The following PROC variants were observed in gnomAD, a reference collection of about 807,000 sequenced individuals.
PROC encodes vitamin K-dependent protein C.
PROC carries 22 observed loss-of-function variants against 36.3 expected under a neutral mutation model. That is an observed-to-expected ratio of 0.61 (90% CI 0.43 to 0.86). PROC has a LOEUF of 0.86. PROC is among the 40% of genes least tolerant of loss of function. The probability of loss-of-function intolerance (pLI) is 0.00; values close to 1 mark genes in which losing one functional copy is unlikely to be tolerated. For missense variants in PROC, 526 were observed against 629.7 expected, an observed-to-expected ratio of 0.84 and a Z score of 1.76; for synonymous variants, 218 against 244.5, an observed-to-expected ratio of 0.89 and a Z score of 1.01.
chr2:127,422,949 C>T lies in PROC; in HGVS notation c.262+8C>T, dbSNP rs773799506. 3 of 1,600,186 alleles carry T rather than the reference C, an allele frequency of 1.9e-6. No homozygotes were observed. In the African/African-American group the frequency reaches 4.0e-5, roughly 22 times the overall value. On this transcript the variant is annotated splice_region_variant and intron_variant, in intron 4 of 8. Transcript: ENST00000234071. ...TCTGGTCCAAGCACGTCGGTGAGTG[C>T]GTTCTAGATCCCCGGCTGGACTACC...
rs1687891083 is a variant in PROC at position 127,418,504 on chromosome 2, T to C, written c.-22+12T>C. ...CACGACCCGCCCCTGTGAGTCCCCC[T>C]CCAGGCAGGTCTATGAGGGGTGTGG... On this transcript the variant is annotated intron_variant, in intron 1 of 8. Transcript: ENST00000234071. This position sits in a 1 kb window ranked among gnomAD's most constrained non-coding sequence, Gnocchi z 4.8. 7.8e-7 allele frequency: 1 copy of C among 1,289,520 alleles called. No individual in the cohort carries two copies. The highest frequency in any genetic ancestry group is 2.3e-5 in the Admixed American group (1 of 43,530). The allele number at this position is 1,289,520 out of a possible 1,614,324, so 79.9% of individuals were successfully genotyped here.
rs1468354245 is a variant in PROC, at chr2:127,426,403, G to A, written c.678+176G>A. 1.1e-6 allele frequency: 1 copy of A among 893,616 alleles called. No individual in the cohort carries two copies. Among genetic ancestry groups the A allele is most frequent in the Non-Finnish European group, 1.7e-6 (1 of 585,166 alleles). The allele number at this position is 893,616 out of a possible 1,614,324, so 55.4% of individuals were successfully genotyped here. ...ATGGACGCAACCTGAGGGGAGAGGA[G>A]CAGCCAGGGTGGGTGAGGGGAGGGG... On this transcript the variant is annotated intron_variant, in intron 7 of 8. Transcript: ENST00000234071. The surrounding 1 kb of genome is among the most constrained non-coding windows in gnomAD (Gnocchi z 7.0).
Position 127,423,134 on chromosome 2 carries a change from C to T in PROC, c.363C>T (p.Asp121=), listed in dbSNP as rs1399890195. 4 of 1,605,164 alleles carry T rather than the reference C, an allele frequency of 2.5e-6. No individual in the cohort carries two copies. Among genetic ancestry groups the T allele is most frequent in the Non-Finnish European group, 3.4e-6 (4 of 1,176,082 alleles). ...ACGGCATCGGCAGCTTCAGCTGCGA[C>T]TGCCGCAGCGGCTGGGAGGGCCGCT... ...CIDGIGSFSC[D]CRSGWEGRFC... is the part of the protein sequence containing the mutation. Residue 121 remains aspartate (D), a synonymous_variant, in exon 5 of 9, where the codon GAC becomes GAT. Transcript: ENST00000234071.
At position 127,421,363 on chromosome 2, in the gene PROC, C is replaced by T. The variant is rs764546127; in HGVS notation, c.151C>T (p.Arg51Cys). 9 of 1,613,838 alleles carry T rather than the reference C, an allele frequency of 5.6e-6. No homozygotes were observed. In the African/African-American group the frequency reaches 6.7e-5, roughly 12 times the overall value. ...KRANSFLEEL[R>C]HSSLERECIE... ...TGCCAACTCCTTCCTGGAGGAGCTCCGTCACAGCAGCCTGGAGCGGGAGTG... is the reference window on the plus strand; with the variant it reads ...TGCCAACTCCTTCCTGGAGGAGCTCTGTCACAGCAGCCTGGAGCGGGAGTG... Residue 51 changes from arginine to cysteine, a missense_variant, in exon 3 of 9, where the codon CGT becomes TGT. Coordinates refer to ENST00000234071, the MANE Select transcript of PROC (RefSeq NM_000312.4).
intron 8 of PROC, among the ~76,000 whole-genome samples, 175 bp from the exon 9 acceptor site, chr2:127,428,182 T>G (rs1356036559): frequency 6.6e-6 from 1 of 152,212 alleles, no homozygotes; most frequent in Non-Finnish European, 1.5e-5. Context: ...TTCCACGGCA[T>G]AGACAGGTGG....
rs769502673 is a variant in PROC, at chr2:127,429,192, G to T, written c.*246G>T. ...TTTTGCGGGGTCTAAAGCTGTGTGT[G>T]TTGAGGGGGATACTCTGTTTATGAA... On this transcript the variant is annotated 3_prime_UTR_variant, in exon 9 of 9. Coordinates refer to ENST00000234071, the MANE Select transcript of PROC (RefSeq NM_000312.4). 2 of 546,622 alleles carry T rather than the reference G, an allele frequency of 3.7e-6. No individual in the cohort carries two copies. The highest frequency in any genetic ancestry group is 2.3e-5 in the South Asian group (1 of 43,216). 33.9% of individuals were successfully genotyped at this position (546,622 alleles called of 1,614,324 possible).
intron 8 of PROC, 51 bp downstream of exon 8, chr2:127,427,273 G>A (rs777589755): frequency 3.3e-6 from 5 of 1,517,324 alleles, no homozygotes; most frequent in Admixed American, 3.3e-5. Context: ...TGGGTAGGGG[G>A]ACCAGGCAGG....
At chr2:127,425,911 A>G (rs934824621) in intron 6 of PROC, among the ~76,000 whole-genome samples, 174 bp from the exon 7 acceptor site, 1 of 152,122 alleles carries the variant, frequency 6.6e-6, no homozygotes, top group African/African-American at 2.4e-5. Context: ...TGACTGACTG[A>G]CTGGCTGACT....
At chr2:127,425,550 T>A (rs1013912608) in intron 6 of PROC, among the ~76,000 whole-genome samples, 1 of 152,212 alleles carries the variant, frequency 6.6e-6, no homozygotes, top group Non-Finnish European at 1.5e-5. Context: ...TCCTTTCCTC[T>A]GTGAGGAGCT....
rs374353189 is a variant in PROC, at chr2:127,422,684, G to T, written c.238-233G>T. On this transcript the variant is annotated intron_variant, in intron 3 of 8. Transcript: ENST00000234071. Reference sequence around the variant, plus strand: ...GCAGCACTGCAGCTGCATGGGGAGAGGGTGTTGCTCCAGGGACGTGGGATG... The same window carrying T: ...GCAGCACTGCAGCTGCATGGGGAGATGGTGTTGCTCCAGGGACGTGGGATG... Among the ~76,000 whole-genome samples, 31 of 152,276 alleles carry T rather than the reference G, an allele frequency of 2.0e-4. No individual in the cohort carries two copies. In the East Asian group the frequency reaches 4.4e-3, roughly 22 times the overall value.
chr2:127,419,358 G>C (rs1481421686), intron 1 of PROC, among the ~76,000 whole-genome samples: 5 of 152,140 alleles, frequency 3.3e-5, no homozygotes, highest in African/African-American at 1.2e-4. Flanking sequence ...AGCCTGTTTT[G>C]AGAGCTTTAT....
chr2:127,418,683 C>T lies in PROC; in HGVS notation c.-22+191C>T, dbSNP rs977669607. Among the ~76,000 whole-genome samples the T allele has an allele frequency of 2.0e-5, 3 of 152,206 alleles. No individual in the cohort carries two copies. The highest frequency in any genetic ancestry group is 3.2e-3 in the Middle Eastern group (1 of 316). ...CACAGTCTCAGGTCCCTTTGCCATG[C>T]GCCTCCCTCTTTCCAGGCCAAGGGT... is the stretch of plus-strand genomic sequence containing the variant. On this transcript the variant is annotated intron_variant, in intron 1 of 8. Transcript: ENST00000234071. The surrounding 1 kb of genome is among the most constrained non-coding windows in gnomAD (Gnocchi z 4.8).
At position 127,423,170 on chromosome 2, in the gene PROC, C is replaced by T. The variant is rs200045749; in HGVS notation, c.399C>T (p.Arg133=). ...RSGWEGRFCQ[R]EVSFLNCSLD... is the part of the protein sequence containing the mutation. ...GCTGGGAGGGCCGCTTCTGCCAGCG[C>T]GGTGAGGGGGAGAGGTGGATGCTGG... The change falls in exon 5 of 9, where the codon CGC becomes CGT. Residue 133 remains arginine, a splice_region_variant and synonymous_variant. Transcript: ENST00000234071. The T allele has an allele frequency of 7.5e-4, 1,123 of 1,494,778 alleles. 8 individuals carry two copies. The African/African-American group carries it at 0.014, about 19-fold the overall frequency. 92.6% of individuals were successfully genotyped at this position (1,494,778 alleles called of 1,614,324 possible).
rs143723556 is a variant in PROC at position 127,426,031 on chromosome 2, G to A, written c.536-54G>A. On this transcript the variant is annotated intron_variant, in intron 6 of 8. Coordinates refer to ENST00000234071, the MANE Select transcript of PROC (RefSeq NM_000312.4). The surrounding 1 kb of genome is among the most constrained non-coding windows in gnomAD (Gnocchi z 7.0). ...GGCTGGAGGAGGACCAAGACAGGAG[G>A]GCAGTCTCGGGAGGAGTGCCTGGCA... is the stretch of plus-strand genomic sequence containing the variant. 4 of 1,611,592 alleles carry A rather than the reference G, an allele frequency of 2.5e-6. No homozygotes were observed. In the East Asian group the frequency reaches 6.7e-5, roughly 27 times the overall value.
At chr2:127,420,036 C>T (rs371752681) in intron 2 of PROC, 24 bp downstream of exon 2, 76 of 1,612,002 alleles carry the variant, frequency 4.7e-5, no homozygotes, top group Non-Finnish European at 5.9e-5. Flanking sequence ...ACCCCTACCC[C>T]GGGACCCTTG....
intron 1 of PROC, 162 bp from the exon 2 acceptor site, chr2:127,419,760 G>GC: frequency 6.8e-7 from 1 of 1,479,992 alleles, no homozygotes; most frequent in Non-Finnish European, 9.0e-7. Context: ...GGCAGCCGAG[G>GC]CCTTCTGAGG....
In PROC at chr2:127,428,619, G is replaced by T; in HGVS notation, c.1059G>T (p.Lys353Asn). ...ACAGCAGCCGAGAGAAGGAGGCCAA[G>T]AGAAACCGCACCTTCGTCCTCAACT... ...GYHSSREKEA[K>N]RNRTFVLNFI... The change falls in exon 9 of 9, where the codon AAG becomes AAT. Residue 353 changes from lysine to asparagine, a missense_variant. Coordinates refer to ENST00000234071, the MANE Select transcript of PROC (RefSeq NM_000312.4). The T allele has an allele frequency of 6.2e-7, 1 of 1,614,088 alleles. No homozygotes were observed. Among genetic ancestry groups the T allele is most frequent in the Non-Finnish European group, 8.5e-7 (1 of 1,180,050 alleles).
chr2:127,428,977 T>C lies in PROC; in HGVS notation c.*31T>C, dbSNP rs1310825769. The C allele has an allele frequency of 1.0e-5, 16 of 1,606,722 alleles. 1 individual carries two copies. In the South Asian group the frequency reaches 1.5e-4, roughly 15 times the overall value. On this transcript the variant is annotated 3_prime_UTR_variant, in exon 9 of 9. Coordinates refer to ENST00000234071, the MANE Select transcript of PROC (RefSeq NM_000312.4). ...CTCCCTGCAGGGCTGGGCTTTTGCA[T>C]GGCAATGGATGGGACATTAAAGGGA...
intron 1 of PROC, among the ~76,000 whole-genome samples, chr2:127,419,247 A>G (rs543315885): frequency 6.6e-6 from 1 of 152,268 alleles, no homozygotes; most frequent in South Asian, 2.1e-4. Context: ...TTCCCCCTCT[A>G]TGAAATGGGG....
Sources: allele counts gnomAD v4.1 joint callset (sites outside exome capture counted in the v4.1 genomes callset), GRCh38; gene constraint gnomAD v4.1.1; non-coding constraint Gnocchi (gnomAD v3.1); transcripts MANE v1.5; gene names NCBI Gene and HGNC (gene_info 2026-07-23, HGNC 2026-07-21).